HM13: variants seen among roughly 807,000 people sequenced by gnomAD.
The protein encoded by HM13 is histocompatibility minor 13, also known as signal peptide peptidase.
HM13 carries 18 observed loss-of-function variants against 50.0 expected under a neutral mutation model. The observed-to-expected ratio is 0.36, with a 90% CI of 0.25 to 0.53. The LOEUF is 0.53. Ranked by LOEUF, HM13 falls within the 20% of genes least tolerant of loss-of-function variation. The pLI is 0.90. For synonymous variants in HM13, 197 were observed against 232.6 expected, an observed-to-expected ratio of 0.85 and a Z score of 1.39; for missense variants, 393 against 552.4, an observed-to-expected ratio of 0.71 and a Z score of 2.89.
intron 7 of HM13, among the ~76,000 whole-genome samples, chr20:31,551,655 G>C (rs535597438): frequency 1.2e-4 from 18 of 152,342 alleles, no homozygotes; most frequent in African/African-American, 4.3e-4. Context: ...GCAAGGAAGA[G>C]AGGAAGATGC....
chr20:31,518,483 T>C (rs189107948), intron 1 of HM13, among the ~76,000 whole-genome samples: 2 of 150,628 alleles, frequency 1.3e-5, no homozygotes, highest in Non-Finnish European at 3.0e-5. Flanking sequence ...CCATCTCTAC[T>C]AAAAATACAA....
At chr20:31,527,655 A>T in intron 2 of HM13, 73 bp downstream of exon 2, 1 of 1,085,144 alleles carries the variant, frequency 9.2e-7, no homozygotes, top group Non-Finnish European at 1.4e-6. Context: ...TTTTCCCATC[A>T]CAAGAACCAT....
Position 31,566,299 on chromosome 20 carries a change from A to G in HM13, c.1034+4A>G, listed in dbSNP as rs1568802127. ...GAGAAGTGACAGAGATGTTCAGGTA[A>G]GGCAGAGTGGGGGGCAGATGTCCTC... On this transcript the variant is annotated splice_donor_region_variant and intron_variant, in intron 11 of 12. Coordinates refer to ENST00000398174, the MANE Select transcript of HM13 (RefSeq NM_178581.3). 1 of 1,612,758 alleles carries G rather than the reference A, an allele frequency of 6.2e-7. No individual in the cohort carries two copies. Among genetic ancestry groups the G allele is most frequent in the Non-Finnish European group, 8.5e-7 (1 of 1,178,798 alleles).
At chr20:31,531,542 G>A (rs1034031827) in intron 2 of HM13, among the ~76,000 whole-genome samples, 8 of 152,002 alleles carry the variant, frequency 5.3e-5, no homozygotes, top group African/African-American at 9.7e-5. Flanking sequence ...GACTATAGAC[G>A]TATGTCATTA....
At chr20:31,522,430 C>T (rs1000275236) in intron 1 of HM13, among the ~76,000 whole-genome samples, 1 of 151,868 alleles carries the variant, frequency 6.6e-6, no homozygotes. Context: ...GGTGTGGTGG[C>T]AGGTGCCTAT....
rs73233605 is a variant in HM13 at position 31,521,090 on chromosome 20, A to G, written c.183+6356A>G. ...ATGTTGCAGGATCTATTGTATTTAC[A>G]TACACAAATCTGGTTAAAAAATCGC... is the stretch of plus-strand genomic sequence containing the variant. On this transcript the variant is annotated intron_variant, in intron 1 of 12. Transcript: ENST00000398174. 4.5e-3 allele frequency among the ~76,000 whole-genome samples: 679 copies of G among 152,328 alleles called. 9 individuals carry two copies. The highest frequency in any genetic ancestry group is 0.016 in the African/African-American group (652 of 41,578).
chr20:31,521,769 T>C (rs1982176957), intron 1 of HM13, among the ~76,000 whole-genome samples: 1 of 150,252 alleles, frequency 6.7e-6, no homozygotes, highest in Non-Finnish European at 1.5e-5. Context: ...GGGGTTTTTG[T>C]GAGGATGAAA....
intron 1 of HM13, among the ~76,000 whole-genome samples, chr20:31,525,498 A>C (rs1336376035): frequency 6.6e-6 from 1 of 152,192 alleles, no homozygotes; most frequent in African/African-American, 2.4e-5. Flanking sequence ...AATCTCAGGC[A>C]CTGTAATGAG....
chr20:31,558,701 G>A (rs1342719065), intron 8 of HM13, among the ~76,000 whole-genome samples: 1 of 151,800 alleles, frequency 6.6e-6, no homozygotes. Context: ...TTGCAGGCGT[G>A]CACTGCCATG....
At chr20:31,559,497 C>G (rs1173033897) in intron 8 of HM13, 114 bp from the exon 9 acceptor site, 2 of 1,017,320 alleles carry the variant, frequency 2.0e-6, no homozygotes, top group African/African-American at 1.6e-5. Flanking sequence ...CACCCTTGGT[C>G]TCCAATGATT....
At chr20:31,566,427 T>A in intron 11 of HM13, 132 bp downstream of exon 11, 1 of 729,872 alleles carries the variant, frequency 1.4e-6, no homozygotes, top group Non-Finnish European at 2.3e-6. Flanking sequence ...ACCCCTTGCC[T>A]TTTTCAGCAG....
At chr20:31,559,759 C>G (rs758520337) in intron 9 of HM13, 112 bp downstream of exon 9, 9 of 958,908 alleles carry the variant, frequency 9.4e-6, no homozygotes, top group Non-Finnish European at 1.4e-5. Context: ...CCCACAGCAG[C>G]CAGAGCAATT....
At chr20:31,566,523 G>A (rs1024970341) in intron 11 of HM13, among the ~76,000 whole-genome samples, 4 of 152,112 alleles carry the variant, frequency 2.6e-5, no homozygotes, top group East Asian at 3.9e-4. Context: ...GAGCCCTCTA[G>A]GCATCCCCCA....
At chr20:31,552,904 G>T (rs1984104718) in intron 7 of HM13, among the ~76,000 whole-genome samples, 1 of 152,098 alleles carries the variant, frequency 6.6e-6, no homozygotes, top group Admixed American at 6.6e-5. Context: ...TTGTTGGCCA[G>T]ATGAAGGTTG....
intron 1 of HM13, among the ~76,000 whole-genome samples, chr20:31,520,575 A>T (rs1294633665): frequency 6.6e-6 from 1 of 152,208 alleles, no homozygotes; most frequent in African/African-American, 2.4e-5. Flanking sequence ...TAGTGCTGGG[A>T]TTACAGGTGT....
intron 1 of HM13, among the ~76,000 whole-genome samples, chr20:31,520,251 A>G (rs892345454): frequency 2.6e-5 from 4 of 152,056 alleles, no homozygotes; most frequent in African/African-American, 9.7e-5. Context: ...TTCTTGTTTA[A>G]TGGCTGTGGA....
chr20:31,537,783 TC>T (rs901527970), intron 2 of HM13, among the ~76,000 whole-genome samples: 9 of 152,130 alleles, frequency 5.9e-5, no homozygotes, highest in Admixed American at 5.2e-4. Flanking sequence ...CTGTAGGGGA[TC>T]CCTGGATGAT....
chr20:31,530,781 G>T (rs953142320), intron 2 of HM13, among the ~76,000 whole-genome samples: 2 of 152,158 alleles, frequency 1.3e-5, no homozygotes, highest in Admixed American at 1.3e-4. Context: ...GGTCTGTCCA[G>T]TGTTGGGGTA....
At chr20:31,548,387 C>T (rs746960517) in intron 4 of HM13, 1 of 206,292 alleles carries the variant, frequency 4.8e-6, no homozygotes, top group Non-Finnish European at 9.8e-6. Context: ...CAGGGCCCCC[C>T]ACAAAAGCAG....
Sources: allele counts gnomAD v4.1 joint callset (sites outside exome capture counted in the v4.1 genomes callset), GRCh38; gene constraint gnomAD v4.1.1; transcripts MANE v1.5; gene names NCBI Gene and HGNC (gene_info 2026-07-23, HGNC 2026-07-21).